ZNF880: variants seen among roughly 807,000 people sequenced by gnomAD.
ZNF880 encodes the protein zinc finger protein LOC400713.
A neutral mutation model predicts 11.8 loss-of-function variants in ZNF880; 12 were observed. That is an observed-to-expected ratio of 1.02 (90% confidence interval 0.65 to 1.65). The LOEUF is 1.65. Ranked by LOEUF, ZNF880 falls within the 40% of genes most tolerant of loss-of-function variation. The pLI, the probability that ZNF880 is intolerant of heterozygous loss-of-function variation, is 0.00. For synonymous variants in ZNF880, 210 were observed against 232.4 expected, an observed-to-expected ratio of 0.90 and a Z score of 0.88; for missense variants, 601 against 673.9, an observed-to-expected ratio of 0.89 and a Z score of 1.20.
In ZNF880 at chr19:52,374,660, T is replaced by G; in HGVS notation, c.268+233T>G. 4 of 664,116 alleles carry G rather than the reference T, an allele frequency of 6.0e-6. No individual in the cohort carries two copies. In the South Asian group the frequency reaches 6.6e-5, roughly 11 times the overall value. The allele number at this position is 664,116 out of a possible 1,614,324, so 41.1% of individuals were successfully genotyped here. On this transcript the variant is annotated intron_variant, in intron 3 of 3. Transcript: ENST00000422689. ...CAAAACCACACTTTGAGTTTCTGTT[T>G]GGGAGCTCTCTGCAAGTGAGAGAAT...
chr19:52,374,599 A>T, intron 3 of ZNF880, 172 bp downstream of exon 3: 1 of 856,704 alleles, frequency 1.2e-6, no homozygotes, highest in South Asian at 1.4e-5. Flanking sequence ...TGCTTCCGAA[A>T]GTGGTGGGAT....
chr19:52,392,452 C>T, the ZNF880 span, among the ~76,000 whole-genome samples: 1 of 152,310 alleles, frequency 6.6e-6, no homozygotes, highest in South Asian at 2.1e-4. Flanking sequence ...AGGCGTCCAC[C>T]ACCAAACCTG....
chr19:52,386,594 G>C (rs1986892747), downstream of ZNF880, among the ~76,000 whole-genome samples: 1 of 143,176 alleles, frequency 7.0e-6, no homozygotes, highest in South Asian at 2.2e-4. Context: ...TTGAGGTCAG[G>C]AGTTTGAGAC....
At chr19:52,382,203 G>T (rs1196140627) in intron 3 of ZNF880, among the ~76,000 whole-genome samples, 2 of 152,016 alleles carry the variant, frequency 1.3e-5, no homozygotes, top group African/African-American at 2.4e-5. Context: ...TTTGAGCTTG[G>T]GAGGGGGAGG....
At chr19:52,374,148 C>T in intron 2 of ZNF880, 151 bp from the exon 3 acceptor site, 1 of 590,830 alleles carries the variant, frequency 1.7e-6, no homozygotes, top group South Asian at 2.4e-5. Context: ...TCACTGCAAG[C>T]TTCGCCTCCC....
At chr19:52,377,611 A>C (rs1215522617) in intron 3 of ZNF880, among the ~76,000 whole-genome samples, 2 of 152,198 alleles carry the variant, frequency 1.3e-5, no homozygotes, top group African/African-American at 4.8e-5. Context: ...GGGTTCCCTC[A>C]AGCCCCTTCT....
At chr19:52,386,053 T>C (rs1471047109), downstream of ZNF880, among the ~76,000 whole-genome samples, 3 of 141,206 alleles carry the variant, frequency 2.1e-5, no homozygotes, top group Non-Finnish European at 4.6e-5. Context: ...CAGACGCCTG[T>C]AGTCCCAGCT....
rs1170252758 is a variant in ZNF880 at position 52,384,704 on chromosome 19, C to T, written c.1124C>T (p.Thr375Ile). Residue 375 changes from threonine to isoleucine, a missense_variant, in exon 4 of 4, where the codon ACT becomes ATT. Physicochemically the swap from Thr to Ile is moderately conservative, Grantham distance 89. Around this residue, in one of 3 missense-constraint regions of ZNF880, gnomAD observed 420 missense variants for 442.6 expected, o/e 0.95. Coordinates refer to ENST00000422689, the MANE Select transcript of ZNF880 (RefSeq NM_001145434.2). ...AHLTRHQRIHTGEKPYECKEC... is the reference protein window; with the variant it reads ...AHLTRHQRIHIGEKPYECKEC... ...CTTACCAGACATCAAAGAATCCATA[C>T]TGGAGAGAAACCTTATGAATGTAAA... 1 of 1,613,242 alleles carries T rather than the reference C, an allele frequency of 6.2e-7. No individual in the cohort carries two copies.
chr19:52,387,669 G>C (rs777845662), downstream of ZNF880, among the ~76,000 whole-genome samples: 1 of 142,126 alleles, frequency 7.0e-6, no homozygotes, highest in Non-Finnish European at 1.5e-5. Context: ...GGCTGTTCTC[G>C]AACTCCTGAA....
At position 52,374,395 on chromosome 19, in the gene ZNF880, G is replaced by GT; in HGVS notation, c.237dup (p.Gly80TrpfsTer15). On this transcript the variant is annotated frameshift_variant, in exon 3 of 4. Coordinates refer to ENST00000422689, the MANE Select transcript of ZNF880 (RefSeq NM_001145434.2). LOFTEE classifies it low-confidence loss of function (END_TRUNC). The stretch of plus-strand genomic sequence containing the variant: ...GAAGTGAAAATAGCAAACAATCCAG[G>GT]TGGCAGGGAGTGCATCAAAGGTGTG... 6.2e-7 allele frequency: 1 copy of GT among 1,612,980 alleles called. No individual in the cohort carries two copies. The highest frequency in any genetic ancestry group is 8.5e-7 in the Non-Finnish European group (1 of 1,179,518).
chr19:52,390,313 C>T (rs1352522714), downstream of ZNF880: 2 of 393,068 alleles, frequency 5.1e-6, no homozygotes, highest in South Asian at 1.7e-5. Context: ...GCTCCTGGAG[C>T]GCAGCGACGC....
the ZNF880 span, chr19:52,391,192 G>A: frequency 0.16 from 24,533 of 152,754 alleles, 2,181 homozygotes; most frequent in African/African-American, 0.24. Flanking sequence ...TGCTGGGAGA[G>A]CAAGAGGGGC....
intron 3 of ZNF880, among the ~76,000 whole-genome samples, chr19:52,377,815 A>G (rs1986597983): frequency 6.6e-6 from 1 of 152,168 alleles, no homozygotes; most frequent in Admixed American, 6.5e-5. Flanking sequence ...AGCATTTGGA[A>G]GATCTCGTGA....
At chr19:52,370,672 G>A (rs557614925) in intron 1 of ZNF880, 2 of 152,200 alleles carry the variant, frequency 1.3e-5, no homozygotes, top group South Asian at 2.1e-4. Context: ...TGGAATTCTC[G>A]TTTCTATGTT....
Position 52,384,900 on chromosome 19 carries a change from A to G in ZNF880, c.1320A>G (p.Glu440=). The change falls in exon 4 of 4, where the codon GAA becomes GAG. Residue 440 remains glutamate, a synonymous_variant. Coordinates refer to ENST00000422689, the MANE Select transcript of ZNF880 (RefSeq NM_001145434.2). The stretch of plus-strand genomic sequence containing the variant: ...GAGAGAAACCTTACAAATGTAAAGA[A>G]TGTGCCAAGGTCTTCAGGCATAGAT... ...HTGEKPYKCK[E]CAKVFRHRLS... 1 of 1,608,710 alleles carries G rather than the reference A, an allele frequency of 6.2e-7. No homozygotes were observed. Among genetic ancestry groups the G allele is most frequent in the South Asian group, 1.1e-5 (1 of 90,026 alleles).
In ZNF880 at chr19:52,384,922, A is replaced by C. The variant is rs749037727; in HGVS notation, c.1342A>C (p.Arg448=). 3 of 1,595,524 alleles carry C rather than the reference A, an allele frequency of 1.9e-6. No homozygotes were observed. The African/African-American group carries it at 4.0e-5, about 21-fold the overall frequency. The stretch of plus-strand genomic sequence containing the variant: ...AGAATGTGCCAAGGTCTTCAGGCAT[A>C]GATTATCCCTAAGCAATCATCAGAG... ...CKECAKVFRH[R]LSLSNHQRFH... The change falls in exon 4 of 4, where the codon AGA becomes CGA. Residue 448 remains arginine (R), a synonymous_variant. Transcript: ENST00000422689.
At chr19:52,374,519 C>T in intron 3 of ZNF880, 92 bp downstream of exon 3, 1 of 1,468,306 alleles carries the variant, frequency 6.8e-7, no homozygotes, top group African/African-American at 1.4e-5. Context: ...CGTAGAGTGG[C>T]AATCATCAGT....
chr19:52,380,302 G>GTT lies in ZNF880; in HGVS notation c.269-3538_269-3537dup, dbSNP rs150901227. On this transcript the variant is annotated intron_variant, in intron 3 of 3. Transcript: ENST00000422689. Reference sequence around the variant, plus strand: ...ATGTACTGTTTTTTTTGTCTTTTGGGTTTTTTTTTTAACAATAAATATTCC... The same window carrying GTT: ...ATGTACTGTTTTTTTTGTCTTTTGGGTTTTTTTTTTTTAACAATAAATATTCC... Among the ~76,000 whole-genome samples the GTT allele has an allele frequency of 4.0e-3, 592 of 148,804 alleles. 2 individuals carry two copies. The highest frequency in any genetic ancestry group is 5.4e-3 in the Non-Finnish European group (365 of 67,168).
Position 52,385,567 on chromosome 19 carries a change from T to G in ZNF880, c.*253T>G, listed in dbSNP as rs1470020771. 4.2e-5 allele frequency: 15 copies of G among 357,446 alleles called. No homozygotes were observed. The highest frequency in any genetic ancestry group is 1.5e-3 in the Middle Eastern group (2 of 1,364). 22.1% of individuals were successfully genotyped at this position (357,446 alleles called of 1,614,324 possible). A position where few individuals can be genotyped will look rare whatever the true frequency, so the allele number is the denominator to read the frequency against. Reference sequence around the variant, plus strand: ...AACCATACAGATGGATTATGTATGCTGAGGCTATTATTCAAGGACCATTAC... The same window carrying G: ...AACCATACAGATGGATTATGTATGCGGAGGCTATTATTCAAGGACCATTAC... On this transcript the variant is annotated 3_prime_UTR_variant, in exon 4 of 4. Transcript: ENST00000422689.
Sources: gnomAD v4.1 joint callset for allele counts (sites outside exome capture counted in the v4.1 genomes callset) on GRCh38, gnomAD v4.1.1 for gene constraint, gnomAD v4.1.1 regional missense constraint, MANE v1.5 for transcripts, NCBI Gene and HGNC (gene_info 2026-07-23, HGNC 2026-07-21) for gene names.